LRRK1: variants seen among roughly 807,000 people sequenced by gnomAD.
LRRK1 encodes leucine-rich repeat serine/threonine-protein kinase 1.
Under a neutral mutation model 209.1 loss-of-function variants are expected in LRRK1, and 113 were observed. That is an observed-to-expected ratio of 0.54 (90% CI 0.46 to 0.63). LRRK1 has a LOEUF of 0.63. Ranked by LOEUF, LRRK1 falls within the 30% of genes least tolerant of loss-of-function variation. The pLI is 0.00. For missense variants in LRRK1, 2,284 were observed against 2,632.2 expected, an observed-to-expected ratio of 0.87 and a Z score of 2.89; for synonymous variants, 1,144 against 1,099.7, an observed-to-expected ratio of 1.04 and a Z score of -0.80.
In LRRK1 at chr15:101,046,185, GC is replaced by G. The variant is rs369666283; in HGVS notation, c.3135+36del. ...GGCTGCGGTTTCTGCATAGACAGAT[GC>G]CCGAGAGCCACCTACAGTTGTACCA... On this transcript the variant is annotated intron_variant, in intron 21 of 33. Coordinates refer to ENST00000388948, the MANE Select transcript of LRRK1 (RefSeq NM_024652.6). The G allele has an allele frequency of 3.6e-4, 575 of 1,604,682 alleles. 6 individuals are homozygous for G. In the East Asian group the frequency reaches 8.0e-3, roughly 22 times the overall value.
chr15:100,983,840 T>C (rs772379516), intron 4 of LRRK1, 141 bp downstream of exon 4: 25 of 881,116 alleles, frequency 2.8e-5, no homozygotes, highest in Non-Finnish European at 4.8e-5. Context: ...CCAAACAAAG[T>C]GAAGCTTGCC....
At chr15:101,035,247 A>G (rs2034449677) in intron 20 of LRRK1, among the ~76,000 whole-genome samples, 1 of 151,898 alleles carries the variant, frequency 6.6e-6, no homozygotes, top group South Asian at 2.1e-4. Flanking sequence ...TCTAATGCTG[A>G]GAGTGGTATG....
chr15:100,922,448 T>A (rs1331017412), intron 1 of LRRK1, among the ~76,000 whole-genome samples: 1 of 152,216 alleles, frequency 6.6e-6, no homozygotes, highest in East Asian at 1.9e-4. Context: ...AGATTTTTTT[T>A]TTTTTAGAAC....
intron 2 of LRRK1, among the ~76,000 whole-genome samples, chr15:100,963,768 T>C (rs1352617516): frequency 6.6e-6 from 1 of 152,218 alleles, no homozygotes. Context: ...GACCATCCGG[T>C]TGGCAAGGCC....
chr15:101,058,628 G>T (rs1319371860), intron 29 of LRRK1, among the ~76,000 whole-genome samples: 1 of 141,700 alleles, frequency 7.1e-6, no homozygotes, highest in African/African-American at 2.7e-5. Context: ...GGGGGGGGGC[G>T]TCTAAACAGA....
intron 4 of LRRK1, among the ~76,000 whole-genome samples, chr15:100,986,141 G>A (rs1233967765): frequency 3.9e-5 from 6 of 152,216 alleles, no homozygotes; most frequent in Admixed American, 3.9e-4. Flanking sequence ...AGGAGTCCAA[G>A]GCTGCAGTCA....
chr15:100,974,287 AAGT>A, intron 3 of LRRK1: 1 of 257,882 alleles, frequency 3.9e-6, no homozygotes, highest in Non-Finnish European at 7.3e-6. Context: ...TCGTTATAAA[AAGT>A]AGCACATGCT....
At position 101,047,658 on chromosome 15, in the gene LRRK1, A is replaced by G. The variant is rs192128273; in HGVS notation, c.3136-836A>G. Among the ~76,000 whole-genome samples, 268 of 152,342 alleles carry G rather than the reference A, an allele frequency of 1.8e-3. 2 individuals are homozygous for G. Among genetic ancestry groups the G allele is most frequent in the Non-Finnish European group, 3.0e-3 (204 of 68,022 alleles). On this transcript the variant is annotated intron_variant, in intron 21 of 33. Coordinates refer to ENST00000388948, the MANE Select transcript of LRRK1 (RefSeq NM_024652.6). ...AGTGAGATGCCAGTTTTCATCCATCACATTAGCAAAAAGCTGAGCCGTAAT... is the reference window on the plus strand; with the variant it reads ...AGTGAGATGCCAGTTTTCATCCATCGCATTAGCAAAAAGCTGAGCCGTAAT...
chr15:101,062,213 C>T (rs1419703390), intron 30 of LRRK1, among the ~76,000 whole-genome samples: 1 of 152,226 alleles, frequency 6.6e-6, no homozygotes, highest in African/African-American at 2.4e-5. Flanking sequence ...CATGCTGTCT[C>T]ACATGGGAAG....
In LRRK1 at chr15:101,072,870, C is replaced by G. The variant is rs1567300086; in HGVS notation, c.*4022C>G. On this transcript the variant is annotated 3_prime_UTR_variant, in exon 34 of 34. Transcript: ENST00000388948. ...CCCACCTGCGCCCAGGTGAAATAAA[C>G]AGCCTTGTTGCTCACACAAAGCCTG... 1 of 152,480 alleles carries G rather than the reference C, an allele frequency of 6.6e-6. No homozygotes were observed. The highest frequency in any genetic ancestry group is 1.5e-5 in the Non-Finnish European group (1 of 68,334). The allele number at this position is 152,480 out of a possible 1,614,324, so 9.4% of individuals were successfully genotyped here.
At chr15:100,941,446 CTGTG>C (rs2042428854) in intron 2 of LRRK1, among the ~76,000 whole-genome samples, 1 of 72,526 alleles carries the variant, frequency 1.4e-5, no homozygotes, top group Non-Finnish European at 2.6e-5. Flanking sequence ...GTGTGTGTGT[CTGTG>C]TGTGTCTATG....
intron 3 of LRRK1, among the ~76,000 whole-genome samples, chr15:100,981,217 T>C (rs921926277): frequency 2.0e-5 from 3 of 152,214 alleles, no homozygotes; most frequent in Admixed American, 6.5e-5. Flanking sequence ...CTCTTGGCCT[T>C]GGGCTGGCTC....
In LRRK1 at chr15:101,070,554, G is replaced by C. The variant is rs2036764417; in HGVS notation, c.*1706G>C. On this transcript the variant is annotated 3_prime_UTR_variant, in exon 34 of 34. Coordinates refer to ENST00000388948, the MANE Select transcript of LRRK1 (RefSeq NM_024652.6). ...TTGCTTTGGCATCACGCGAGGCCAGGCTGCTTTGCAGGCACCAAAATTCAC... is the reference window on the plus strand; with the variant it reads ...TTGCTTTGGCATCACGCGAGGCCAGCCTGCTTTGCAGGCACCAAAATTCAC... The C allele has an allele frequency of 6.6e-6, 1 of 152,038 alleles. No individual in the cohort carries two copies. Among genetic ancestry groups the C allele is most frequent in the African/African-American group, 2.4e-5 (1 of 41,362 alleles). The allele number at this position is 152,038 out of a possible 1,614,324, so 9.4% of individuals were successfully genotyped here. A position where few individuals can be genotyped will look rare whatever the true frequency, so the allele number is the denominator to read the frequency against.
At chr15:100,936,117 G>A (rs1289811949) in intron 2 of LRRK1, among the ~76,000 whole-genome samples, 1 of 152,210 alleles carries the variant, frequency 6.6e-6, no homozygotes, top group South Asian at 2.1e-4. Context: ...TACGGGTTAG[G>A]TGAGTGACGA....
At chr15:101,023,446 G>A (rs2033887094) in intron 15 of LRRK1, among the ~76,000 whole-genome samples, 3 of 152,354 alleles carry the variant, frequency 2.0e-5, no homozygotes, top group South Asian at 2.1e-4. Flanking sequence ...GCCATGGACT[G>A]TTGGTGGGAA....
chr15:101,007,060 G>T (rs1389332962), intron 6 of LRRK1, among the ~76,000 whole-genome samples: 1 of 152,212 alleles, frequency 6.6e-6, no homozygotes, highest in Non-Finnish European at 1.5e-5. Context: ...TTCAAAGACC[G>T]GACGGAGTGT....
rs772736759 is a variant in LRRK1 at position 101,009,076 on chromosome 15, G to A, written c.989+13G>A. On this transcript the variant is annotated intron_variant, in intron 7 of 33. Coordinates refer to ENST00000388948, the MANE Select transcript of LRRK1 (RefSeq NM_024652.6). ...TCATCTGTTCCAGGTGGCTCCCCGG[G>A]GTGTGACCGGAGCCGTGTGTGACCC... is the stretch of plus-strand genomic sequence containing the variant. 7 of 1,595,032 alleles carry A rather than the reference G, an allele frequency of 4.4e-6. No homozygotes were observed. The highest frequency in any genetic ancestry group is 1.7e-4 in the Middle Eastern group (1 of 6,022).
rs1232648152 is a variant in LRRK1, at chr15:100,925,944, G to T, written c.97+1215G>T. On this transcript the variant is annotated intron_variant, in intron 2 of 33. Coordinates refer to ENST00000388948, the MANE Select transcript of LRRK1 (RefSeq NM_024652.6). ...AGGGTCAACAGGTTGGGTCTGAGAGGCCCACGTTTGTACCCTTAACCGTGT... is the reference window on the plus strand; with the variant it reads ...AGGGTCAACAGGTTGGGTCTGAGAGTCCCACGTTTGTACCCTTAACCGTGT... 2.0e-5 allele frequency among the ~76,000 whole-genome samples: 3 copies of T among 152,202 alleles called. No homozygotes were observed. In the East Asian group the frequency reaches 5.8e-4, roughly 29 times the overall value.
At chr15:100,961,107 C>T (rs191510749) in intron 2 of LRRK1, among the ~76,000 whole-genome samples, 1 of 152,300 alleles carries the variant, frequency 6.6e-6, no homozygotes, top group African/African-American at 2.4e-5. Context: ...TGAGGGGCTG[C>T]ATCTGGTCAG....
Sources: allele counts gnomAD v4.1 joint callset (sites outside exome capture counted in the v4.1 genomes callset), GRCh38; gene constraint gnomAD v4.1.1; transcripts MANE v1.5; gene names NCBI Gene and HGNC (gene_info 2026-07-23, HGNC 2026-07-21).